Variants in RIMS1 observed in about 807,000 individuals in gnomAD.
RIMS1 encodes the protein regulating synaptic membrane exocytosis protein 1.
Under a neutral mutation model 214.1 loss-of-function variants are expected in RIMS1, and 83 were observed. The ratio of observed to expected loss-of-function variants is 0.39; its 90% CI spans 0.32 to 0.47. The LOEUF is 0.47. RIMS1 is among the 20% of genes least tolerant of loss of function. RIMS1 has a pLI of 0.99. For synonymous variants in RIMS1, 793 were observed against 786.8 expected (o/e 1.01, Z -0.13); for missense variants, 2,050 against 2,161.8 (o/e 0.95, Z 1.03).
intron 2 of RIMS1, among the ~76,000 whole-genome samples, chr6:71,990,717 A>G (rs924801141): frequency 6.6e-6 from 1 of 152,004 alleles, no homozygotes; most frequent in Non-Finnish European, 1.5e-5. Context: ...TGTCCCTGAC[A>G]GGATGGGCAG....
At chr6:72,073,671 A>G (rs1015634019) in intron 2 of RIMS1, among the ~76,000 whole-genome samples, 3 of 152,208 alleles carry the variant, frequency 2.0e-5, no homozygotes, top group African/African-American at 7.2e-5. Context: ...TGACTATTCA[A>G]AAGGAGTGGC....
At chr6:72,380,512 A>G (rs751455223) in intron 29 of RIMS1, among the ~76,000 whole-genome samples, 6 of 152,208 alleles carry the variant, frequency 3.9e-5, no homozygotes, top group Admixed American at 2.6e-4. Context: ...TTCTAGGTTT[A>G]TGCTTAGTAA....
intron 9 of RIMS1, among the ~76,000 whole-genome samples, chr6:72,240,842 C>G (rs1230148410): frequency 6.6e-6 from 1 of 151,544 alleles, no homozygotes; most frequent in African/African-American, 2.4e-5. Flanking sequence ...ATGGTGAAAC[C>G]CCGTCTCTAC....
chr6:72,180,796 G>A (rs1418248984), intron 5 of RIMS1, among the ~76,000 whole-genome samples: 6 of 152,148 alleles, frequency 3.9e-5, no homozygotes, highest in African/African-American at 1.4e-4. Flanking sequence ...AGGCTCCAAG[G>A]AAAGCTTTTG....
intron 2 of RIMS1, among the ~76,000 whole-genome samples, chr6:72,002,790 G>A (rs1805733336): frequency 6.6e-6 from 1 of 152,014 alleles, no homozygotes; most frequent in Non-Finnish European, 1.5e-5. Flanking sequence ...AGAAGTACAG[G>A]AAAAAAATAG....
At chr6:71,892,898 A>G (rs1164623355) in intron 1 of RIMS1, among the ~76,000 whole-genome samples, 1 of 152,148 alleles carries the variant, frequency 6.6e-6, no homozygotes, top group Non-Finnish European at 1.5e-5. Context: ...AGAACACTGG[A>G]CTAGATTCTG....
chr6:72,010,976 T>C (rs913196140), intron 2 of RIMS1, among the ~76,000 whole-genome samples: 1 of 152,084 alleles, frequency 6.6e-6, no homozygotes, highest in South Asian at 2.1e-4. Context: ...TGGAAAAAAC[T>C]ACTTTAAAGT....
At chr6:72,364,110 G>A (rs1481270757) in intron 29 of RIMS1, among the ~76,000 whole-genome samples, 1 of 152,174 alleles carries the variant, frequency 6.6e-6, no homozygotes, top group African/African-American at 2.4e-5. Context: ...AATAGGCCAA[G>A]CCCTCTCTTT....
intron 26 of RIMS1, among the ~76,000 whole-genome samples, chr6:72,301,203 G>T (rs2094569285): frequency 6.6e-6 from 1 of 151,584 alleles, no homozygotes; most frequent in Non-Finnish European, 1.5e-5. Flanking sequence ...AAGGGAAAAT[G>T]GGAAACTACT....
intron 2 of RIMS1, among the ~76,000 whole-genome samples, chr6:71,973,138 G>T (rs1410557968): frequency 6.6e-6 from 1 of 152,200 alleles, no homozygotes; most frequent in Non-Finnish European, 1.5e-5. Context: ...TTGAACTCCT[G>T]ACTTCGTGAT....
intron 6 of RIMS1, among the ~76,000 whole-genome samples, chr6:72,225,305 C>A (rs1328860571): frequency 6.6e-6 from 1 of 152,082 alleles, no homozygotes; most frequent in South Asian, 2.1e-4. Flanking sequence ...TTTTGTTCTA[C>A]ATATCCTTAA....
chr6:72,368,515 C>T (rs994294130), intron 29 of RIMS1, among the ~76,000 whole-genome samples: 2 of 151,132 alleles, frequency 1.3e-5, no homozygotes, highest in East Asian at 3.9e-4. Flanking sequence ...AGGATGGTCT[C>T]GATCTCCTGA....
intron 23 of RIMS1, among the ~76,000 whole-genome samples, chr6:72,275,172 A>G (rs2085685249): frequency 2.5e-5 from 1 of 39,792 alleles, no homozygotes; most frequent in Non-Finnish European, 4.6e-5. Context: ...ATATATATAT[A>G]TATATATATG....
chr6:72,282,901 C>A (rs2090845167), intron 23 of RIMS1, among the ~76,000 whole-genome samples: 1 of 151,768 alleles, frequency 6.6e-6, no homozygotes, highest in Admixed American at 6.6e-5. Flanking sequence ...ACAGCTGAAA[C>A]CCTGAATTGA....
At position 72,258,227 on chromosome 6, in the gene RIMS1, G is replaced by A. The variant is rs373238402; in HGVS notation, c.2873G>A (p.Arg958His). Residue 958 changes from arginine (R) to histidine (H), a missense_variant, in exon 17 of 34, where the codon CGC (arginine) becomes CAC (histidine). Transcript: ENST00000521978. Reference protein sequence around the residue: ...HHRSRSVSPHRGNDQGKPRSR... With the variant: ...HHRSRSVSPHHGNDQGKPRSR... ...CGCTCACGTTCAGTATCTCCTCATC[G>A]CGGCAATGATCAGGGAAAGCCGCGT... 13 of 1,613,246 alleles carry A rather than the reference G, an allele frequency of 8.1e-6. No homozygotes were observed. The highest frequency in any genetic ancestry group is 6.6e-5 in the South Asian group (6 of 91,036).
chr6:72,177,812 A>G (rs1036749361), intron 4 of RIMS1, among the ~76,000 whole-genome samples: 1 of 152,166 alleles, frequency 6.6e-6, no homozygotes, highest in African/African-American at 2.4e-5. Context: ...CTGACTGTTC[A>G]TGAAGGTCCT....
At chr6:72,140,689 A>C (rs1342102098) in intron 4 of RIMS1, among the ~76,000 whole-genome samples, 1 of 152,066 alleles carries the variant, frequency 6.6e-6, no homozygotes, top group Non-Finnish European at 1.5e-5. Flanking sequence ...CTAACTTCCC[A>C]GAGTTTTTGA....
In RIMS1 at chr6:72,014,902, G is replaced by A. The variant is rs774338234; in HGVS notation, c.245+45839G>A. The stretch of plus-strand genomic sequence containing the variant: ...GGAGAAATATCTAATCAAATTCCCT[G>A]CCTATTTCTTTTCCGGCTCAGATTT... On this transcript the variant is annotated intron_variant, in intron 2 of 33. Coordinates refer to ENST00000521978, the MANE Select transcript of RIMS1 (RefSeq NM_014989.7). Among the ~76,000 whole-genome samples the A allele has an allele frequency of 6.8e-4, 104 of 152,038 alleles. 2 individuals carry two copies. The highest frequency in any genetic ancestry group is 1.4e-3 in the Non-Finnish European group (92 of 68,014).
At chr6:72,141,125 G>A (rs187969800) in intron 4 of RIMS1, among the ~76,000 whole-genome samples, 21 of 152,090 alleles carry the variant, frequency 1.4e-4, no homozygotes, top group African/African-American at 4.6e-4. Context: ...AGGAGTAGAT[G>A]TTTTCACTAA....
Sources: gnomAD v4.1 joint callset for allele counts (sites outside exome capture counted in the v4.1 genomes callset) on GRCh38, gnomAD v4.1.1 for gene constraint, MANE v1.5 for transcripts, NCBI Gene and HGNC (gene_info 2026-07-23, HGNC 2026-07-21) for gene names.